The following SUGCT variants were observed in gnomAD, a reference collection of about 807,000 sequenced individuals.
The protein encoded by SUGCT is succinyl-CoA:glutarate CoA-transferase.
Under a neutral mutation model 55.0 loss-of-function variants are expected in SUGCT, and 41 were observed. The observed-to-expected ratio is 0.74, with a 90% CI of 0.58 to 0.97. SUGCT has a LOEUF of 0.97. SUGCT is among the 50% of genes least tolerant of loss of function. SUGCT has a pLI of 0.00. For synonymous variants in SUGCT, 187 were observed against 200.4 expected, an observed-to-expected ratio of 0.93 and a Z score of 0.56; for missense variants, 568 against 547.8, an observed-to-expected ratio of 1.04 and a Z score of -0.37.
At chr7:40,184,755 T>G (rs1305756592) in intron 3 of SUGCT, among the ~76,000 whole-genome samples, 2 of 152,200 alleles carry the variant, frequency 1.3e-5, no homozygotes, top group Non-Finnish European at 2.9e-5. Flanking sequence ...TGCTGAATAG[T>G]GTGTATGTAT....
At chr7:40,633,007 A>G (rs1355051189) in intron 12 of SUGCT, among the ~76,000 whole-genome samples, 1 of 152,220 alleles carries the variant, frequency 6.6e-6, no homozygotes, top group Non-Finnish European at 1.5e-5. Context: ...CATTATACAC[A>G]TATTTATGGG....
chr7:40,732,858 G>A (rs1246317081), intron 12 of SUGCT, among the ~76,000 whole-genome samples: 4 of 152,164 alleles, frequency 2.6e-5, no homozygotes, highest in Non-Finnish European at 5.9e-5. Flanking sequence ...GGGAGGCCAA[G>A]ATGGGTGGAT....
chr7:40,651,069 G>A (rs1460069832), intron 12 of SUGCT, among the ~76,000 whole-genome samples: 1 of 152,130 alleles, frequency 6.6e-6, no homozygotes, highest in Non-Finnish European at 1.5e-5. Flanking sequence ...TTTTATGGCT[G>A]CATAGTATTC....
intron 9 of SUGCT, 91 bp from the exon 10 acceptor site, chr7:40,449,196 A>G (rs1789050131): frequency 1.2e-6 from 1 of 810,960 alleles, no homozygotes; most frequent in East Asian, 2.7e-5. Context: ...TTGCTTTAGA[A>G]CAAGCTTTCT....
At chr7:40,329,329 A>G (rs958601050) in intron 9 of SUGCT, among the ~76,000 whole-genome samples, 7 of 152,188 alleles carry the variant, frequency 4.6e-5, no homozygotes, top group Admixed American at 6.5e-5. Flanking sequence ...GTTGATGTAT[A>G]AGTATGGCTG....
chr7:40,940,740 G>C, the SUGCT span, among the ~76,000 whole-genome samples: 1 of 152,028 alleles, frequency 6.6e-6, no homozygotes, highest in African/African-American at 2.4e-5. Context: ...TGTAACCTGA[G>C]ACTTTATTGA....
chr7:40,221,147 T>C (rs1314245479), intron 6 of SUGCT, among the ~76,000 whole-genome samples: 2 of 152,106 alleles, frequency 1.3e-5, no homozygotes, highest in Non-Finnish European at 2.9e-5. Context: ...AGAAATCTAA[T>C]TATAGCCTGT....
chr7:40,335,702 A>G (rs184418475), intron 9 of SUGCT, among the ~76,000 whole-genome samples: 1,703 of 152,268 alleles, frequency 0.011, 27 homozygotes, highest in South Asian at 0.039. Context: ...AACAGGGACA[A>G]TTTGACTTCC....
intron 13 of SUGCT, among the ~76,000 whole-genome samples, chr7:40,842,087 T>C (rs765606433): frequency 3.5e-4 from 53 of 152,140 alleles, no homozygotes; most frequent in South Asian, 6.2e-4. Flanking sequence ...TCAGTCTAAA[T>C]AGTTAATAAG....
chr7:40,426,401 A>G (rs572223444), intron 9 of SUGCT, among the ~76,000 whole-genome samples: 1 of 152,214 alleles, frequency 6.6e-6, no homozygotes, highest in Non-Finnish European at 1.5e-5. Context: ...ATTAGATTCA[A>G]CATTCACCAG....
At chr7:40,805,914 G>A (rs149395942) in intron 13 of SUGCT, among the ~76,000 whole-genome samples, 33 of 152,314 alleles carry the variant, frequency 2.2e-4, no homozygotes, top group African/African-American at 7.2e-4. Context: ...TCTATGGCAC[G>A]TTAGAGACAA....
At chr7:40,603,541 AG>A (rs1798391698) in intron 12 of SUGCT, among the ~76,000 whole-genome samples, 1 of 152,208 alleles carries the variant, frequency 6.6e-6, no homozygotes, top group African/African-American at 2.4e-5. Flanking sequence ...ATGATTTGAA[AG>A]TAGGATAGTA....
chr7:40,547,510 A>G (rs1473417137), intron 12 of SUGCT, among the ~76,000 whole-genome samples: 1 of 152,188 alleles, frequency 6.6e-6, no homozygotes, highest in Non-Finnish European at 1.5e-5. Flanking sequence ...ATCTTATTAT[A>G]TCTAATTTTG....
At chr7:40,483,922 C>A (rs956020991) in intron 11 of SUGCT, among the ~76,000 whole-genome samples, 8 of 152,190 alleles carry the variant, frequency 5.3e-5, no homozygotes, top group Admixed American at 2.0e-4. Flanking sequence ...TCTAATACAG[C>A]TGAAAATGTG....
chr7:40,230,725 T>A (rs762581050), intron 6 of SUGCT, among the ~76,000 whole-genome samples: 2 of 152,156 alleles, frequency 1.3e-5, no homozygotes, highest in South Asian at 2.1e-4. Flanking sequence ...TGGGATAACT[T>A]CTTCTTAGGG....
chr7:40,575,357 AAACT>A (rs1179284856), intron 12 of SUGCT, among the ~76,000 whole-genome samples: 1 of 152,178 alleles, frequency 6.6e-6, no homozygotes, highest in Admixed American at 6.5e-5. Context: ...CAACAACAAA[AAACT>A]AACCACCGAA....
At chr7:41,003,740 G>C in the SUGCT span, among the ~76,000 whole-genome samples, 39 of 152,150 alleles carry the variant, frequency 2.6e-4, 1 homozygote, top group Non-Finnish European at 8.8e-5. Flanking sequence ...AGTGTTCCAA[G>C]CAATGCTGCC....
chr7:40,453,344 G>T (rs996488406), intron 10 of SUGCT, among the ~76,000 whole-genome samples: 4 of 152,154 alleles, frequency 2.6e-5, no homozygotes, highest in African/African-American at 7.2e-5. Flanking sequence ...TGGGGAGTGG[G>T]ATAACTAAAG....
intron 9 of SUGCT, among the ~76,000 whole-genome samples, chr7:40,382,227 T>C (rs1279441006): frequency 6.6e-6 from 1 of 152,192 alleles, no homozygotes; most frequent in Non-Finnish European, 1.5e-5. Context: ...GAATAGGTTT[T>C]TCAAAATCTT....
Sources: gnomAD v4.1 joint callset for allele counts (sites outside exome capture counted in the v4.1 genomes callset) on GRCh38, gnomAD v4.1.1 for gene constraint, MANE v1.5 for transcripts, NCBI Gene and HGNC (gene_info 2026-07-23, HGNC 2026-07-21) for gene names.